The following PPARGC1A variants were observed in gnomAD, a reference collection of about 807,000 sequenced individuals.
PPARGC1A encodes the protein PPARG coactivator 1 alpha.
PPARGC1A carries 25 observed loss-of-function variants against 88.7 expected under a neutral mutation model. That is an observed-to-expected ratio of 0.28 (90% confidence interval 0.21 to 0.39). PPARGC1A has a LOEUF of 0.39. Ranked by LOEUF, PPARGC1A falls within the 10% of genes least tolerant of loss-of-function variation. PPARGC1A has a pLI of 1.00. For synonymous variants in PPARGC1A, 363 were observed against 355.6 expected, an observed-to-expected ratio of 1.02 and a Z score of -0.24; for missense variants, 880 against 968.7, an observed-to-expected ratio of 0.91 and a Z score of 1.22.
intron 7 of PPARGC1A, among the ~76,000 whole-genome samples, chr4:23,821,110 C>A (rs1722932109): frequency 6.6e-6 from 1 of 152,200 alleles, no homozygotes; most frequent in Non-Finnish European, 1.5e-5. Context: ...CAGACAGTAC[C>A]AATCAATGAC....
the PPARGC1A span, among the ~76,000 whole-genome samples, chr4:24,288,773 G>A: frequency 1.2e-4 from 18 of 152,214 alleles, no homozygotes; most frequent in Non-Finnish European, 2.5e-4. Flanking sequence ...ATAAATAAAC[G>A]GCAGTAGACA....
chr4:24,171,527 T>C, the PPARGC1A span, among the ~76,000 whole-genome samples: 1 of 152,190 alleles, frequency 6.6e-6, no homozygotes, highest in Non-Finnish European at 1.5e-5. Flanking sequence ...ATTTTTTTAA[T>C]TGTCTTACTC....
At chr4:24,107,919 A>ATCAGCATCTGGGATAT in the PPARGC1A span, among the ~76,000 whole-genome samples, 1 of 152,226 alleles carries the variant, frequency 6.6e-6, no homozygotes, top group Non-Finnish European at 1.5e-5. Flanking sequence ...AAAATTTATT[A>ATCAGCATCTGGGATAT]GGTTTGCCAA....
chr4:24,028,338 G>A, the PPARGC1A span, among the ~76,000 whole-genome samples: 1 of 152,154 alleles, frequency 6.6e-6, no homozygotes, highest in East Asian at 1.9e-4. Context: ...AATATTAACT[G>A]CATCGAATCA....
the PPARGC1A span, among the ~76,000 whole-genome samples, chr4:24,208,785 T>C: frequency 6.6e-6 from 1 of 151,720 alleles, no homozygotes; most frequent in African/African-American, 2.4e-5. Flanking sequence ...TTTATGTTAT[T>C]ATCCTCATAA....
chr4:24,463,076 CT>C, the PPARGC1A span, among the ~76,000 whole-genome samples: 3 of 152,050 alleles, frequency 2.0e-5, no homozygotes, highest in Non-Finnish European at 2.9e-5. Flanking sequence ...CACGAAGCAT[CT>C]TTTTTAGCAT....
chr4:24,109,530 C>A, the PPARGC1A span, among the ~76,000 whole-genome samples: 1 of 152,178 alleles, frequency 6.6e-6, no homozygotes, highest in Non-Finnish European at 1.5e-5. Flanking sequence ...GTTACTTCAT[C>A]ATGGTATTTA....
At chr4:23,973,962 A>T in the PPARGC1A span, among the ~76,000 whole-genome samples, 1 of 151,910 alleles carries the variant, frequency 6.6e-6, no homozygotes, top group Admixed American at 6.5e-5. Flanking sequence ...AATAAAAAAT[A>T]AAAAATAATT....
chr4:23,970,359 A>G, the PPARGC1A span, among the ~76,000 whole-genome samples: 1 of 152,340 alleles, frequency 6.6e-6, no homozygotes, highest in African/African-American at 2.4e-5. Flanking sequence ...GAATGAGTTA[A>G]TGGCAGGCTC....
intron 2 of PPARGC1A, among the ~76,000 whole-genome samples, chr4:23,865,579 A>G (rs766189094): frequency 1.1e-4 from 16 of 152,274 alleles, no homozygotes; most frequent in Non-Finnish European, 1.5e-4. Context: ...CTTGGGTGGC[A>G]TTCTATCAAC....
chr4:24,013,238 T>C, the PPARGC1A span, among the ~76,000 whole-genome samples: 2 of 152,136 alleles, frequency 1.3e-5, no homozygotes, highest in East Asian at 3.9e-4. Context: ...TTACCATGCA[T>C]GGAGAAGCAC....
chr4:24,346,878 C>T, the PPARGC1A span, among the ~76,000 whole-genome samples: 2 of 152,010 alleles, frequency 1.3e-5, no homozygotes, highest in Non-Finnish European at 2.9e-5. Flanking sequence ...TTTGCTTGTG[C>T]TCTTTCAGAC....
chr4:24,007,575 G>A, the PPARGC1A span, among the ~76,000 whole-genome samples: 2 of 152,150 alleles, frequency 1.3e-5, no homozygotes, highest in East Asian at 3.9e-4. Context: ...TGAAGGCAGG[G>A]CATTTTGTGC....
the PPARGC1A span, among the ~76,000 whole-genome samples, chr4:24,214,982 G>A: frequency 5.9e-5 from 9 of 152,146 alleles, no homozygotes; most frequent in Non-Finnish European, 1.2e-4. Context: ...TCTAAGTCAC[G>A]GGTCCTTAAG....
the PPARGC1A span, among the ~76,000 whole-genome samples, chr4:24,129,381 A>C: frequency 5.3e-3 from 801 of 152,300 alleles, 13 homozygotes; most frequent in African/African-American, 0.019. Flanking sequence ...TTAAATGCCA[A>C]AGTCTACATG....
At chr4:24,083,229 A>C in the PPARGC1A span, among the ~76,000 whole-genome samples, 1 of 152,158 alleles carries the variant, frequency 6.6e-6, no homozygotes, top group African/African-American at 2.4e-5. Flanking sequence ...TGAGAAAACT[A>C]CTAGAAGAGA....
intron 1 of PPARGC1A, among the ~76,000 whole-genome samples, chr4:23,898,799 A>T (rs1242255912): frequency 5.9e-5 from 9 of 151,830 alleles, no homozygotes. Context: ...TCTTTTCAAA[A>T]CAAAAAAACA....
At chr4:24,472,536 C>G in the PPARGC1A span, among the ~76,000 whole-genome samples, 3 of 151,978 alleles carry the variant, frequency 2.0e-5, no homozygotes, top group Admixed American at 2.0e-4. The surrounding 1 kb of genome is among the most constrained non-coding windows in gnomAD (Gnocchi z 4.5). Flanking sequence ...TTTTAAAAAT[C>G]AAATTAAACC....
chr4:24,277,031 A>G, the PPARGC1A span, among the ~76,000 whole-genome samples: 2 of 152,170 alleles, frequency 1.3e-5, no homozygotes, highest in African/African-American at 4.8e-5. Flanking sequence ...CCAAACAGGG[A>G]TACCTTCAAA....
Sources: allele counts gnomAD v4.1 joint callset (sites outside exome capture counted in the v4.1 genomes callset), GRCh38; gene constraint gnomAD v4.1.1; non-coding constraint Gnocchi (gnomAD v3.1); transcripts MANE v1.5; gene names NCBI Gene and HGNC (gene_info 2026-07-23, HGNC 2026-07-21).